The following CRHBP variants were observed in gnomAD, a reference collection of about 807,000 sequenced individuals.
CRHBP encodes the protein corticotropin releasing hormone binding protein, also known as corticotropin-releasing hormone-binding protein.
Under a neutral mutation model 34.9 loss-of-function variants are expected in CRHBP, and 19 were observed. That is an observed-to-expected ratio of 0.55 (90% CI 0.38 to 0.80). The LOEUF is 0.80. Among genes scored for constraint, CRHBP ranks in the 30% least tolerant of loss-of-function variants. CRHBP has a pLI of 0.00. For missense variants in CRHBP, 328 were observed against 409.2 expected (o/e 0.80, Z 1.71); for synonymous variants, 154 against 153.4 (o/e 1.00, Z -0.03).
intron 4 of CRHBP, among the ~76,000 whole-genome samples, chr5:76,957,502 C>T (rs1308815210): frequency 3.3e-5 from 5 of 152,166 alleles, no homozygotes; most frequent in African/African-American, 1.2e-4. Flanking sequence ...TTCTCTGCCT[C>T]AGCCTCCCGA....
At position 76,968,908 on chromosome 5, in the gene CRHBP, T is replaced by C. The variant is rs1264419814; in HGVS notation, c.*23T>C. 9.3e-6 allele frequency: 15 copies of C among 1,605,360 alleles called. No homozygotes were observed. The highest frequency in any genetic ancestry group is 2.7e-5 in the African/African-American group (2 of 74,744). Reference sequence around the variant, plus strand: ...TGAATAACCAACCCAGTGATTTACATGCTGATAGCTAAGTGAGTTTTTAAT... The same window carrying C: ...TGAATAACCAACCCAGTGATTTACACGCTGATAGCTAAGTGAGTTTTTAAT... On this transcript the variant is annotated 3_prime_UTR_variant, in exon 7 of 7. Coordinates refer to ENST00000274368, the MANE Select transcript of CRHBP (RefSeq NM_001882.4).
Position 76,968,966 on chromosome 5 carries a change from T to C in CRHBP, c.*81T>C. ...GTGTATGATTTTGATGCACAACTAG[T>C]TAAAAGCCTTTCATACCAGTCAGTA... is the stretch of plus-strand genomic sequence containing the variant. On this transcript the variant is annotated 3_prime_UTR_variant, in exon 7 of 7. Coordinates refer to ENST00000274368, the MANE Select transcript of CRHBP (RefSeq NM_001882.4). The C allele has an allele frequency of 1.3e-6, 2 of 1,509,292 alleles. No homozygotes were observed. Among genetic ancestry groups the C allele is most frequent in the Non-Finnish European group, 1.8e-6 (2 of 1,106,702 alleles). The allele number at this position is 1,509,292 out of a possible 1,614,324, so 93.5% of individuals were successfully genotyped here.
intron 4 of CRHBP, among the ~76,000 whole-genome samples, chr5:76,957,543 G>T (rs934565178): frequency 3.9e-5 from 6 of 151,950 alleles, no homozygotes; most frequent in African/African-American, 1.5e-4. Flanking sequence ...CCGTCACCAT[G>T]CCTGGCTAAT....
intron 1 of CRHBP, 127 bp from the exon 2 acceptor site, chr5:76,953,474 C>A: frequency 9.5e-7 from 1 of 1,052,374 alleles, no homozygotes. Context: ...CTTCTCCGGA[C>A]ACGGGAAAAC....
chr5:76,973,440 A>C (rs895952204), downstream of CRHBP, among the ~76,000 whole-genome samples: 2 of 152,214 alleles, frequency 1.3e-5, no homozygotes, highest in Non-Finnish European at 2.9e-5. Flanking sequence ...CTATACATAC[A>C]AAAATACCAT....
chr5:76,959,789 T>C (rs934833626), intron 5 of CRHBP, among the ~76,000 whole-genome samples: 1 of 152,222 alleles, frequency 6.6e-6, no homozygotes, highest in Non-Finnish European at 1.5e-5. Context: ...TTTTTGGGTA[T>C]CTTTGGTACA....
intron 5 of CRHBP, chr5:76,963,134 T>C: frequency 1.9e-6 from 1 of 519,002 alleles, no homozygotes; most frequent in Non-Finnish European, 3.4e-6. Flanking sequence ...CTAAAAAAAA[T>C]GATTACTCAA....
In CRHBP at chr5:76,968,743, G is replaced by T; in HGVS notation, c.827G>T (p.Gly276Val). The change falls in exon 7 of 7, where the codon GGC becomes GTC. Residue 276 changes from glycine (G) to valine (V), a missense_variant. This residue lies in a region of CRHBP where 144 missense variants were observed against 216.7 expected (regional missense o/e 0.66). Transcript: ENST00000274368. ...PFHGPAQMKVGCDNTVVRMVS... is the reference protein window; with the variant it reads ...PFHGPAQMKVVCDNTVVRMVS... ...TCCATTATAGCCCAGATGAAAGTTG[G>T]CTGTGACAACACTGTGGTGCGCATG... is the stretch of plus-strand genomic sequence containing the variant. The T allele has an allele frequency of 1.2e-6, 2 of 1,611,844 alleles. No individual in the cohort carries two copies. The highest frequency in any genetic ancestry group is 1.3e-5 in the African/African-American group (1 of 74,976).
chr5:76,953,937 C>A, intron 2 of CRHBP, 92 bp from the exon 3 acceptor site: 1 of 1,473,714 alleles, frequency 6.8e-7, no homozygotes, highest in Non-Finnish European at 9.1e-7. Flanking sequence ...ACTACAGAGC[C>A]CGGGAATGGG....
chr5:76,970,908 C>A (rs767580972), downstream of CRHBP, among the ~76,000 whole-genome samples: 1 of 152,160 alleles, frequency 6.6e-6, no homozygotes, highest in Non-Finnish European at 1.5e-5. Flanking sequence ...TGCTTTACTT[C>A]AAAGCTTGTT....
At chr5:76,963,640 G>A (rs1214494814) in intron 6 of CRHBP, among the ~76,000 whole-genome samples, 180 bp downstream of exon 6, 1 of 152,050 alleles carries the variant, frequency 6.6e-6, no homozygotes, top group Admixed American at 6.6e-5. Flanking sequence ...CAAAATATCC[G>A]ACACTGGGAG....
intron 5 of CRHBP, 63 bp from the exon 6 acceptor site, chr5:76,963,280 T>G: frequency 1.4e-6 from 2 of 1,406,260 alleles, no homozygotes; most frequent in South Asian, 2.3e-5. Flanking sequence ...CCGCTGTTGG[T>G]CAAATGGTTT....
At chr5:76,960,045 C>T (rs559016861) in intron 5 of CRHBP, among the ~76,000 whole-genome samples, 8 of 152,302 alleles carry the variant, frequency 5.3e-5, no homozygotes, top group African/African-American at 1.4e-4. Flanking sequence ...ATAAACAAGA[C>T]AGGTCCTGCT....
At chr5:76,980,211 C>T (rs1746098939) in intron 3 of CRHBP, among the ~76,000 whole-genome samples, 1 of 140,438 alleles carries the variant, frequency 7.1e-6, no homozygotes, top group Non-Finnish European at 1.5e-5. Flanking sequence ...GCCGAGATCG[C>T]GCCACTGCAC....
chr5:76,980,148 G>T (rs1182035614), intron 3 of CRHBP, among the ~76,000 whole-genome samples: 1 of 151,130 alleles, frequency 6.6e-6, no homozygotes, highest in East Asian at 2.0e-4. Context: ...CCAGCTACTC[G>T]GGAGGCTGAG....
At chr5:76,975,817 A>ATAT (rs1448304496) in intron 2 of CRHBP, among the ~76,000 whole-genome samples, 1 of 85,092 alleles carries the variant, frequency 1.2e-5, no homozygotes, top group African/African-American at 7.6e-5. Context: ...AAAAAAAAAA[A>ATAT]AAAAAAAAAT....
At chr5:76,976,475 C>G (rs1377031546) in exon 3 of CRHBP, 2 of 152,230 alleles carry the variant, frequency 1.3e-5, no homozygotes, top group African/African-American at 4.8e-5. Context: ...GTATAGTCAA[C>G]AGAATGGAGA....
intron 5 of CRHBP, 49 bp from the exon 6 acceptor site, chr5:76,963,293 CT>C (rs1465027294): frequency 6.6e-7 from 1 of 1,523,086 alleles, no homozygotes; most frequent in African/African-American, 1.4e-5. Context: ...AATGGTTTGA[CT>C]TCTGTAATTG....
chr5:76,971,419 A>G (rs1432602925), downstream of CRHBP, among the ~76,000 whole-genome samples: 1 of 152,154 alleles, frequency 6.6e-6, no homozygotes, highest in East Asian at 1.9e-4. Flanking sequence ...TTCTAAGCAA[A>G]TATGCCATTC....
Sources: gnomAD v4.1 joint callset for allele counts (sites outside exome capture counted in the v4.1 genomes callset) on GRCh38, gnomAD v4.1.1 for gene constraint, gnomAD v4.1.1 regional missense constraint, MANE v1.5 for transcripts, NCBI Gene and HGNC (gene_info 2026-07-23, HGNC 2026-07-21) for gene names.